CUL1: variants seen among roughly 807,000 people sequenced by gnomAD.
CUL1 encodes the protein cullin 1.
A neutral mutation model predicts 118.0 loss-of-function variants in CUL1; 24 were observed. The observed-to-expected ratio is 0.20, with a 90% CI of 0.15 to 0.29. CUL1 has a LOEUF of 0.29. CUL1 is among the 10% of genes least tolerant of loss of function. The pLI is 1.00. For missense variants in CUL1, 361 were observed against 933.8 expected (o/e 0.39, Z 7.99); for synonymous variants, 332 against 340.4 (o/e 0.98, Z 0.27).
At chr7:148,731,668 C>G (rs1798767014) in intron 2 of CUL1, among the ~76,000 whole-genome samples, 1 of 152,158 alleles carries the variant, frequency 6.6e-6, no homozygotes, top group Non-Finnish European at 1.5e-5. Flanking sequence ...ACACCTTGTA[C>G]CCATTAGCAG....
chr7:148,748,377 G>T (rs73467460), intron 2 of CUL1, among the ~76,000 whole-genome samples: 1 of 152,046 alleles, frequency 6.6e-6, no homozygotes, highest in Non-Finnish European at 1.5e-5. Context: ...AATTCCAACC[G>T]AAAGGTATAA....
At position 148,742,182 on chromosome 7, in the gene CUL1, T is replaced by G. The variant is rs114480915; in HGVS notation, c.141-11794T>G. Among the ~76,000 whole-genome samples, 303 of 152,302 alleles carry G rather than the reference T, an allele frequency of 2.0e-3. 1 individual carries two copies. Among genetic ancestry groups the G allele is most frequent in the African/African-American group, 7.2e-3 (298 of 41,562 alleles). Reference sequence around the variant, plus strand: ...GGATTACATTGAATCTTTGGATCAATTTGGGGAGTATATTAGTCTGTTCTC... The same window carrying G: ...GGATTACATTGAATCTTTGGATCAAGTTGGGGAGTATATTAGTCTGTTCTC... On this transcript the variant is annotated intron_variant, in intron 2 of 21. Coordinates refer to ENST00000325222, the MANE Select transcript of CUL1 (RefSeq NM_003592.3).
chr7:148,800,390 T>G lies in CUL1; in HGVS notation c.2251-112T>G, dbSNP rs1801347166. On this transcript the variant is annotated intron_variant, in intron 21 of 21. Transcript: ENST00000325222. This position sits in a 1 kb window ranked among gnomAD's most constrained non-coding sequence, Gnocchi z 4.6. ...CTGGGGCGGGGACACTGCTCCCCACTGAGCTCCGAATCAGGGGAGATTTGT... is the reference window on the plus strand; with the variant it reads ...CTGGGGCGGGGACACTGCTCCCCACGGAGCTCCGAATCAGGGGAGATTTGT... 1.2e-6 allele frequency: 1 copy of G among 816,630 alleles called. No homozygotes were observed. Among genetic ancestry groups the G allele is most frequent in the East Asian group, 2.6e-5 (1 of 38,894 alleles). 50.6% of individuals were successfully genotyped at this position (816,630 alleles called of 1,614,324 possible). A position where few individuals can be genotyped will look rare whatever the true frequency, so the allele number is the denominator to read the frequency against.
chr7:148,775,526 A>G (rs1800365584), intron 9 of CUL1, among the ~76,000 whole-genome samples: 1 of 152,248 alleles, frequency 6.6e-6, no homozygotes, highest in Non-Finnish European at 1.5e-5. Flanking sequence ...TTTTTAAGAA[A>G]CAAATGTGCA....
intron 1 of CUL1, among the ~76,000 whole-genome samples, chr7:148,702,825 G>C (rs1185421092): frequency 6.6e-6 from 1 of 152,142 alleles, no homozygotes; most frequent in Non-Finnish European, 1.5e-5. Flanking sequence ...TGTAGTTGGT[G>C]GTTTCTCCCA....
chr7:148,792,908 G>A, intron 17 of CUL1, 90 bp downstream of exon 17: 1 of 881,504 alleles, frequency 1.1e-6, no homozygotes, highest in Non-Finnish European at 1.8e-6. Flanking sequence ...GAGGATATGG[G>A]CATCTTTAAT....
chr7:148,766,619 C>T lies in CUL1; in HGVS notation c.848C>T (p.Thr283Ile), dbSNP rs1341513199. Residue 283 changes from threonine (T) to isoleucine (I), a missense_variant, in exon 8 of 22, where the codon ACA becomes ATA. Thr to Ile is a moderately conservative substitution (Grantham distance 89). Transcript: ENST00000325222. ...GTTCAGGTTTACCTTCATGAAAGCA[C>T]ACAAGATGAATTAGCAAGGAAATGT... ...RRVQVYLHESTQDELARKCEQ... is the reference protein window; with the variant it reads ...RRVQVYLHESIQDELARKCEQ... 1.2e-6 allele frequency: 2 copies of T among 1,613,810 alleles called. No homozygotes were observed. Among genetic ancestry groups the T allele is most frequent in the African/African-American group, 1.3e-5 (1 of 74,984 alleles).
At chr7:148,723,984 C>G (rs1400704846) in intron 1 of CUL1, among the ~76,000 whole-genome samples, 1 of 152,166 alleles carries the variant, frequency 6.6e-6, no homozygotes, top group Non-Finnish European at 1.5e-5. Flanking sequence ...AGTCTTCTAG[C>G]AAACAAAGTA....
At chr7:148,747,970 G>A (rs189404476) in intron 2 of CUL1, among the ~76,000 whole-genome samples, 14 of 152,234 alleles carry the variant, frequency 9.2e-5, no homozygotes, top group African/African-American at 2.9e-4. Context: ...AAAGGGGACC[G>A]GAAATATTTG....
At chr7:148,773,546 T>C (rs1225668861) in intron 9 of CUL1, among the ~76,000 whole-genome samples, 1 of 152,186 alleles carries the variant, frequency 6.6e-6, no homozygotes, top group Non-Finnish European at 1.5e-5. Flanking sequence ...AGTTTTATGC[T>C]CTGTGGTTTC....
chr7:148,768,264 T>G (rs1800072017), intron 9 of CUL1, among the ~76,000 whole-genome samples: 1 of 152,142 alleles, frequency 6.6e-6, no homozygotes, highest in Non-Finnish European at 1.5e-5. Flanking sequence ...GTAATTCAGG[T>G]GATAATTTCA....
At position 148,797,877 on chromosome 7, in the gene CUL1, T is replaced by A; in HGVS notation, c.1947+18T>A. On this transcript the variant is annotated intron_variant, in intron 18 of 21. Coordinates refer to ENST00000325222, the MANE Select transcript of CUL1 (RefSeq NM_003592.3). The stretch of plus-strand genomic sequence containing the variant: ...AGCTATTGGTAGGTTTGCGCCCTTT[T>A]ATCTTACACTAGAAGAAGCCTTTTC... 6.2e-7 allele frequency: 1 copy of A among 1,612,412 alleles called. No individual in the cohort carries two copies. Among genetic ancestry groups the A allele is most frequent in the Non-Finnish European group, 8.5e-7 (1 of 1,178,698 alleles).
At chr7:148,736,007 T>TAA (rs60787796) in intron 2 of CUL1, among the ~76,000 whole-genome samples, 54 of 132,750 alleles carry the variant, frequency 4.1e-4, no homozygotes, top group Non-Finnish European at 6.1e-4. Flanking sequence ...ACCTTGTCTT[T>TAA]AAAAAAAAAA....
intron 1 of CUL1, among the ~76,000 whole-genome samples, chr7:148,721,834 TTC>T (rs1798407626): frequency 6.6e-6 from 1 of 152,204 alleles, no homozygotes; most frequent in African/African-American, 2.4e-5. Flanking sequence ...TAGTTGTGAA[TTC>T]TCCTGTTGGT....
chr7:148,759,515 C>T (rs1291875935), intron 5 of CUL1, 33 bp from the exon 6 acceptor site: 1 of 1,418,814 alleles, frequency 7.0e-7, no homozygotes, highest in African/African-American at 1.4e-5. Context: ...TATTCTATAA[C>T]CTGTGTAATA....
chr7:148,706,458 A>G (rs1797886805), intron 1 of CUL1, among the ~76,000 whole-genome samples: 1 of 152,098 alleles, frequency 6.6e-6, no homozygotes, highest in Admixed American at 6.6e-5. Context: ...TAAAGTAGAG[A>G]CTACTGAAAT....
chr7:148,766,751 G>A, intron 8 of CUL1, 28 bp downstream of exon 8: 1 of 1,582,366 alleles, frequency 6.3e-7, no homozygotes, highest in East Asian at 2.3e-5. Flanking sequence ...TAAAATGTAG[G>A]TATTTATAAT....
In CUL1 at chr7:148,709,767, A is replaced by G. The variant is rs114691615; in HGVS notation, c.-162+10738A>G. Among the ~76,000 whole-genome samples the G allele has an allele frequency of 4.7e-3, 720 of 152,328 alleles. 7 individuals carry two copies. The highest frequency in any genetic ancestry group is 0.016 in the African/African-American group (682 of 41,568). On this transcript the variant is annotated intron_variant, in intron 1 of 21. Coordinates refer to ENST00000325222, the MANE Select transcript of CUL1 (RefSeq NM_003592.3). ...GAAATCAGTAGCAATCTTAACATGC[A>G]GGATATTCTTTATGCCTGCTTAAGG...
At chr7:148,741,641 G>A (rs1290742551) in intron 2 of CUL1, among the ~76,000 whole-genome samples, 3 of 124,754 alleles carry the variant, frequency 2.4e-5, no homozygotes, top group South Asian at 2.8e-4. Flanking sequence ...GTTTCATCAC[G>A]TTGGCCAGGC....
Sources: gnomAD v4.1 joint callset for allele counts (sites outside exome capture counted in the v4.1 genomes callset) on GRCh38, gnomAD v4.1.1 for gene constraint, Gnocchi (gnomAD v3.1) non-coding constraint, MANE v1.5 for transcripts, NCBI Gene and HGNC (gene_info 2026-07-23, HGNC 2026-07-21) for gene names.